CHCHD6: variants seen among roughly 807,000 people sequenced by gnomAD.
CHCHD6 encodes the protein coiled-coil-helix-coiled-coil-helix domain containing 6.
A neutral mutation model predicts 32.3 loss-of-function variants in CHCHD6; 28 were observed. The observed-to-expected ratio is 0.87, with a 90% CI of 0.64 to 1.19. CHCHD6 has a LOEUF of 1.19. CHCHD6 is among the 50% of genes most tolerant of loss of function. The probability of loss-of-function intolerance (pLI) is 0.00; values close to 1 mark genes in which losing one functional copy is unlikely to be tolerated. For synonymous variants in CHCHD6, 122 were observed against 117.5 expected, an observed-to-expected ratio of 1.04 and a Z score of -0.25; for missense variants, 333 against 307.0, an observed-to-expected ratio of 1.08 and a Z score of -0.63.
intron 4 of CHCHD6, among the ~76,000 whole-genome samples, chr3:126,846,742 G>A (rs1941308501): frequency 6.6e-6 from 1 of 152,084 alleles, no homozygotes; most frequent in Admixed American, 6.5e-5. Context: ...AAGTCCCTTT[G>A]TATTAATTCC....
intron 5 of CHCHD6, among the ~76,000 whole-genome samples, chr3:126,913,955 G>A (rs1036854121): frequency 3.9e-5 from 6 of 152,232 alleles, no homozygotes; most frequent in Non-Finnish European, 7.3e-5. Context: ...TCCCAGGCCT[G>A]GGCCTTCCCT....
intron 5 of CHCHD6, 104 bp from the exon 6 acceptor site, chr3:126,914,576 C>A (rs2303994): frequency 2.6e-4 from 196 of 753,154 alleles, no homozygotes; most frequent in Non-Finnish European, 3.4e-4. Context: ...CTTTGATGCC[C>A]GTCAAGAAAT....
At chr3:126,751,468 C>T (rs1008004018) in intron 4 of CHCHD6, among the ~76,000 whole-genome samples, 1 of 144,194 alleles carries the variant, frequency 6.9e-6, no homozygotes, top group Non-Finnish European at 1.5e-5. Flanking sequence ...TGTCACACTG[C>T]ACTCTAGCCT....
At chr3:126,814,313 T>C (rs1939785332) in intron 4 of CHCHD6, among the ~76,000 whole-genome samples, 1 of 152,228 alleles carries the variant, frequency 6.6e-6, no homozygotes, top group African/African-American at 2.4e-5. Context: ...GAATATGATA[T>C]TTTGAAATAC....
intron 4 of CHCHD6, among the ~76,000 whole-genome samples, chr3:126,803,921 G>A (rs145646261): frequency 0.018 from 2,675 of 152,212 alleles, 35 homozygotes; most frequent in South Asian, 0.031. Context: ...ACTCAAAACC[G>A]CTCAACTACG....
intron 6 of CHCHD6, among the ~76,000 whole-genome samples, chr3:126,927,819 G>A (rs1012805573): frequency 2.0e-5 from 3 of 152,148 alleles, no homozygotes; most frequent in Non-Finnish European, 4.4e-5. Context: ...CATCATTGCT[G>A]TTAGATTTAT....
chr3:126,705,774 T>C (rs1934455250), intron 1 of CHCHD6, among the ~76,000 whole-genome samples: 1 of 151,948 alleles, frequency 6.6e-6, no homozygotes, highest in South Asian at 2.1e-4. Flanking sequence ...AGGTGCTCAT[T>C]AGCTGTGTGA....
At chr3:126,746,699 G>T (rs1295775376) in intron 4 of CHCHD6, among the ~76,000 whole-genome samples, 1 of 152,204 alleles carries the variant, frequency 6.6e-6, no homozygotes, top group African/African-American at 2.4e-5. Flanking sequence ...TCAAGCAGCC[G>T]CGAGGCGGGT....
At chr3:126,881,669 C>CA (rs2077612058) in intron 5 of CHCHD6, among the ~76,000 whole-genome samples, 1 of 152,112 alleles carries the variant, frequency 6.6e-6, no homozygotes, top group African/African-American at 2.4e-5. Flanking sequence ...AGGAGCTTCT[C>CA]GAAGGAGTCG....
intron 4 of CHCHD6, among the ~76,000 whole-genome samples, chr3:126,746,471 A>G (rs915914574): frequency 2.0e-5 from 3 of 151,952 alleles, no homozygotes; most frequent in African/African-American, 7.3e-5. Context: ...CTCCTTCTCT[A>G]CATCTCCCCT....
chr3:126,718,542 G>A (rs1395314600), intron 1 of CHCHD6, among the ~76,000 whole-genome samples: 1 of 152,224 alleles, frequency 6.6e-6, no homozygotes, highest in East Asian at 1.9e-4. Context: ...AAAGCACTGA[G>A]TTCCTGAGCT....
chr3:126,845,192 A>G (rs932618524), intron 4 of CHCHD6, among the ~76,000 whole-genome samples: 1 of 152,170 alleles, frequency 6.6e-6, no homozygotes, highest in Non-Finnish European at 1.5e-5. Flanking sequence ...TAAGTCAGCC[A>G]TCTTGATGTT....
At chr3:126,955,262 C>T (rs930181978) in intron 6 of CHCHD6, among the ~76,000 whole-genome samples, 8 of 152,262 alleles carry the variant, frequency 5.3e-5, no homozygotes, top group African/African-American at 1.4e-4. Flanking sequence ...TTGCCCCAGC[C>T]GCCTGTGCGG....
chr3:126,796,409 C>G (rs751088149), intron 4 of CHCHD6, among the ~76,000 whole-genome samples: 5 of 152,058 alleles, frequency 3.3e-5, no homozygotes, highest in Non-Finnish European at 7.4e-5. Context: ...GGTTCTTTTC[C>G]CCCCGGGATT....
chr3:126,880,540 T>G (rs1435203226), intron 5 of CHCHD6, among the ~76,000 whole-genome samples: 1 of 152,194 alleles, frequency 6.6e-6, no homozygotes, highest in Non-Finnish European at 1.5e-5. Flanking sequence ...AATCACTAAG[T>G]TTTTAAATAT....
At chr3:126,825,100 G>T in intron 4 of CHCHD6, among the ~76,000 whole-genome samples, 1 of 151,096 alleles carries the variant, frequency 6.6e-6, no homozygotes, top group South Asian at 2.1e-4. Context: ...TCCACAATTT[G>T]GTATATCACA....
intron 6 of CHCHD6, among the ~76,000 whole-genome samples, chr3:126,927,029 G>T (rs2078334071): frequency 6.6e-6 from 1 of 152,172 alleles, no homozygotes; most frequent in Non-Finnish European, 1.5e-5. Flanking sequence ...GTCGGGTAAT[G>T]TGAGAGAGGA....
intron 5 of CHCHD6, among the ~76,000 whole-genome samples, chr3:126,864,412 C>CTCT (rs1417511487): frequency 6.6e-6 from 1 of 150,884 alleles, no homozygotes; most frequent in Non-Finnish European, 1.5e-5. Context: ...CCTCCTCCTC[C>CTCT]TCTTCCTGCT....
intron 4 of CHCHD6, among the ~76,000 whole-genome samples, chr3:126,761,995 TC>T (rs1290377843): frequency 6.6e-6 from 1 of 152,226 alleles, no homozygotes; most frequent in Non-Finnish European, 1.5e-5. Context: ...TTAGTAATGT[TC>T]CTATTTTTAT....
Sources: gnomAD v4.1 joint callset for allele counts (sites outside exome capture counted in the v4.1 genomes callset) on GRCh38, gnomAD v4.1.1 for gene constraint, MANE v1.5 for transcripts, NCBI Gene and HGNC (gene_info 2026-07-23, HGNC 2026-07-21) for gene names.